GABRG2: variants seen among roughly 807,000 people sequenced by gnomAD.
GABRG2 encodes the protein gamma-aminobutyric acid type A receptor subunit gamma2, also known as gamma-aminobutyric acid receptor subunit gamma-2.
In GABRG2, 16 loss-of-function variants were observed where a neutral mutation model predicts 56.4. The observed-to-expected ratio is 0.28, with a 90% CI of 0.19 to 0.43. The LOEUF (loss-of-function observed/expected upper bound fraction) is 0.43, where lower values mean the gene tolerates loss of function less well. GABRG2 is among the 20% of genes least tolerant of loss of function. GABRG2 has a pLI of 1.00. For synonymous variants in GABRG2, 208 were observed against 205.5 expected, an observed-to-expected ratio of 1.01 and a Z score of -0.10; for missense variants, 327 against 582.7, an observed-to-expected ratio of 0.56 and a Z score of 4.52.
chr5:162,153,679 A>G lies in GABRG2; in HGVS notation c.*311A>G, dbSNP rs1240361756. 1 of 460,088 alleles carries G rather than the reference A, an allele frequency of 2.2e-6. No homozygotes were observed. The highest frequency in any genetic ancestry group is 6.3e-4 in the Middle Eastern group (1 of 1,586). The allele number at this position is 460,088 out of a possible 1,614,324, so 28.5% of individuals were successfully genotyped here. On this transcript the variant is annotated 3_prime_UTR_variant, in exon 10 of 10. Transcript: ENST00000639213. The stretch of plus-strand genomic sequence containing the variant: ...AACAGTGAAAGCCCTGACTATTTAC[A>G]GTAGTGGTATCCTTACTAGATTCAT...
At position 162,072,958 on chromosome 5, in the gene GABRG2, G is replaced by GT. The variant is rs1159908339; in HGVS notation, c.107+4859dup. Among the ~76,000 whole-genome samples the GT allele has an allele frequency of 2.6e-5, 4 of 151,828 alleles. No homozygotes were observed. In the East Asian group the frequency reaches 7.7e-4, roughly 29 times the overall value. On this transcript the variant is annotated intron_variant, in intron 1 of 9. Coordinates refer to ENST00000639213, the MANE Select transcript of GABRG2 (RefSeq NM_198904.4). ...TAGATCTGTCAATATTATCTTATGT[G>GT]TTTTTTTAATCAGTTTGGGGTCTCA... is the stretch of plus-strand genomic sequence containing the variant.
intron 8 of GABRG2, chr5:162,149,587 T>TAAA: frequency 1.3e-6 from 1 of 751,552 alleles, no homozygotes; most frequent in Non-Finnish European, 2.4e-6. Context: ...TTGAGAAATG[T>TAAA]GACCTTCTTC....
Position 162,152,744 on chromosome 5 carries a change from A to G in GABRG2, c.1153-349A>G, listed in dbSNP as rs1438923581. The G allele has an allele frequency of 1.3e-4, 71 of 543,984 alleles. No homozygotes were observed. In the East Asian group the frequency reaches 2.1e-3, roughly 16 times the overall value. 33.7% of individuals were successfully genotyped at this position (543,984 alleles called of 1,614,324 possible). A position where few individuals can be genotyped will look rare whatever the true frequency, so the allele number is the denominator to read the frequency against. The stretch of plus-strand genomic sequence containing the variant: ...CTCTGTTCCACTCACATGCAGCACC[A>G]TCAAATGCCTTCATGTAACCAATGT... On this transcript the variant is annotated intron_variant, in intron 9 of 9. Coordinates refer to ENST00000639213, the MANE Select transcript of GABRG2 (RefSeq NM_198904.4).
chr5:162,092,730 A>G (rs1308598213), intron 1 of GABRG2, among the ~76,000 whole-genome samples: 1 of 152,174 alleles, frequency 6.6e-6, no homozygotes, highest in Non-Finnish European at 1.5e-5. Context: ...CAATTATGTC[A>G]TAGCTGACAA....
intron 8 of GABRG2, chr5:162,149,558 G>C: frequency 1.3e-6 from 1 of 759,884 alleles, no homozygotes. Flanking sequence ...TCTTTATTTT[G>C]TGGAGACTAA....
intron 6 of GABRG2, among the ~76,000 whole-genome samples, chr5:162,130,323 C>T (rs969514890): frequency 4.0e-5 from 6 of 151,798 alleles, no homozygotes; most frequent in African/African-American, 1.2e-4. Flanking sequence ...TCTTGGGGAA[C>T]ATTTTGTGAT....
At chr5:162,099,609 TG>T (rs1268035432) in intron 4 of GABRG2, 1 of 152,216 alleles carries the variant, frequency 6.6e-6, no homozygotes, top group African/African-American at 2.4e-5. Context: ...AAAATTCGCC[TG>T]ATACATCAGA....
chr5:162,098,664 T>A (rs1028487424), intron 4 of GABRG2: 3 of 152,196 alleles, frequency 2.0e-5, no homozygotes, highest in African/African-American at 7.2e-5. Flanking sequence ...CGCTCCAGCA[T>A]TTCTATATAA....
intron 6 of GABRG2, among the ~76,000 whole-genome samples, chr5:162,136,944 T>TA (rs1166956894): frequency 6.6e-6 from 1 of 152,142 alleles, no homozygotes; most frequent in African/African-American, 2.4e-5. Flanking sequence ...TAGCTATATA[T>TA]TTTTTCCCTC....
intron 6 of GABRG2, among the ~76,000 whole-genome samples, chr5:162,106,916 G>GGC (rs3079257): frequency 0.81 from 122,110 of 151,080 alleles, 49,404 homozygotes; most frequent in South Asian, 0.85. Flanking sequence ...CTTGTGTCTT[G>GGC]GGTGGGGGGT....
chr5:162,081,919 T>A (rs1455011382), intron 1 of GABRG2, among the ~76,000 whole-genome samples: 1 of 151,950 alleles, frequency 6.6e-6, no homozygotes, highest in Non-Finnish European at 1.5e-5. Context: ...AATATTTACA[T>A]GGGATAATTA....
At chr5:162,144,888 C>G (rs1432634023) in intron 7 of GABRG2, among the ~76,000 whole-genome samples, 1 of 152,132 alleles carries the variant, frequency 6.6e-6, no homozygotes, top group Non-Finnish European at 1.5e-5. Context: ...TTTTGAAGTG[C>G]AGATTCCTTA....
intron 7 of GABRG2, 142 bp from the exon 8 acceptor site, chr5:162,148,966 G>T: frequency 1.4e-6 from 1 of 734,864 alleles, no homozygotes; most frequent in East Asian, 2.7e-5. Context: ...TGTAAATAGA[G>T]TGAATTAAAT....
At chr5:162,113,752 A>T (rs1762414611) in intron 6 of GABRG2, among the ~76,000 whole-genome samples, 1 of 152,336 alleles carries the variant, frequency 6.6e-6, no homozygotes, top group East Asian at 1.9e-4. Flanking sequence ...ATCAAAGACA[A>T]TGTGTAATTC....
At chr5:162,069,588 T>C (rs572870769) in intron 1 of GABRG2, among the ~76,000 whole-genome samples, 2 of 151,814 alleles carry the variant, frequency 1.3e-5, no homozygotes, top group South Asian at 4.2e-4. Context: ...CACTTTGGAG[T>C]TTCTAAACAG....
intron 6 of GABRG2, among the ~76,000 whole-genome samples, chr5:162,140,509 A>G (rs80310659): frequency 1.2e-4 from 19 of 152,154 alleles, no homozygotes; most frequent in African/African-American, 3.6e-4. Flanking sequence ...CGCTAATTCA[A>G]TCTTCTCTGC....
chr5:162,084,732 C>T (rs996105553), intron 1 of GABRG2, among the ~76,000 whole-genome samples: 3 of 151,726 alleles, frequency 2.0e-5, no homozygotes, highest in Non-Finnish European at 4.4e-5. Flanking sequence ...AAAGTATTTC[C>T]TACTTGATAC....
chr5:162,077,879 A>G (rs972750345), intron 1 of GABRG2, among the ~76,000 whole-genome samples: 2 of 152,010 alleles, frequency 1.3e-5, no homozygotes, highest in African/African-American at 4.8e-5. Context: ...TGAGCTCTAC[A>G]TGGGGTTGGA....
At position 162,153,498 on chromosome 5, in the gene GABRG2, G is replaced by T. The variant is rs867149414; in HGVS notation, c.*130G>T. 2 of 1,154,512 alleles carry T rather than the reference G, an allele frequency of 1.7e-6. No homozygotes were observed. Among genetic ancestry groups the T allele is most frequent in the Middle Eastern group, 2.7e-4 (1 of 3,764 alleles). 71.5% of individuals were successfully genotyped at this position (1,154,512 alleles called of 1,614,324 possible). On this transcript the variant is annotated 3_prime_UTR_variant, in exon 10 of 10. Transcript: ENST00000639213. ...GAATCTGTTTCTATGTCCAAACCTGGTAAATTTTATAATGTCATATTGTTT... is the reference window on the plus strand; with the variant it reads ...GAATCTGTTTCTATGTCCAAACCTGTTAAATTTTATAATGTCATATTGTTT...
Sources: gnomAD v4.1 joint callset for allele counts (sites outside exome capture counted in the v4.1 genomes callset) on GRCh38, gnomAD v4.1.1 for gene constraint, MANE v1.5 for transcripts, NCBI Gene and HGNC (gene_info 2026-07-23, HGNC 2026-07-21) for gene names.